JPH2: variants seen among roughly 807,000 people sequenced by gnomAD.
JPH2 encodes junctophilin 2.
In JPH2, 38 loss-of-function variants were observed where a neutral mutation model predicts 55.9. That is an observed-to-expected ratio of 0.68 (90% CI 0.52 to 0.89). The LOEUF (loss-of-function observed/expected upper bound fraction) is 0.89, where lower values mean the gene tolerates loss of function less well. Ranked by LOEUF, JPH2 falls within the 40% of genes least tolerant of loss-of-function variation. The pLI, the probability that JPH2 is intolerant of heterozygous loss-of-function variation, is 0.00. For missense variants in JPH2, 964 were observed against 1,037.6 expected (o/e 0.93, Z 0.97); for synonymous variants, 480 against 472.4 (o/e 1.02, Z -0.21).
chr20:44,160,554 A>G lies in JPH2; in HGVS notation c.380-147T>C. On this transcript the variant is annotated intron_variant, in intron 1 of 5. Coordinates refer to ENST00000372980, the MANE Select transcript of JPH2 (RefSeq NM_020433.5). The surrounding 1 kb of genome is among the most constrained non-coding windows in gnomAD (Gnocchi z 4.9). ...TCTGAGGGTCAGGGTGCACAGTGCT[A>G]TGAGTGTTTGAGTCTACTCGAGTGT... is the stretch of plus-strand genomic sequence containing the variant. The G allele has an allele frequency of 6.2e-6, 5 of 805,434 alleles. 1 individual carries two copies. The highest frequency in any genetic ancestry group is 5.9e-5 in the South Asian group (4 of 67,458). 49.9% of individuals were successfully genotyped at this position (805,434 alleles called of 1,614,324 possible).
chr20:44,136,375 C>T (rs1341773456), intron 2 of JPH2, among the ~76,000 whole-genome samples: 1 of 152,126 alleles, frequency 6.6e-6, no homozygotes, highest in East Asian at 1.9e-4. Flanking sequence ...TGGCCTCACC[C>T]TTTGCCTATT....
chr20:44,115,816 G>A lies in JPH2; in HGVS notation c.1859C>T (p.Ala620Val). 1.2e-6 allele frequency: 2 copies of A among 1,603,940 alleles called. No individual in the cohort carries two copies. The highest frequency in any genetic ancestry group is 1.7e-6 in the Non-Finnish European group (2 of 1,178,670). ...GATGATGGGCTTGGGCTCCAGCTTG[G>A]CGGGGGTCTCGCGTGCAGGCTCGGG... ...RGPEPARETP[A>V]KLEPKPIIPK... The change falls in exon 4 of 6, where the codon GCC (alanine) becomes GTC (valine). Residue 620 changes from alanine to valine, a missense_variant. By Grantham distance (64) the Ala-to-Val change is moderately conservative. Coordinates refer to ENST00000372980, the MANE Select transcript of JPH2 (RefSeq NM_020433.5).
Position 44,110,717 on chromosome 20 carries a change from G to C in JPH2, c.*2801C>G, listed in dbSNP as rs892631086. On this transcript the variant is annotated 3_prime_UTR_variant, in exon 6 of 6. Transcript: ENST00000372980. The stretch of plus-strand genomic sequence containing the variant: ...TAACGTGCTGGAATTATAGGTGTGA[G>C]CCACCATGCCCAGCTTAAAACCTCT... Among the ~76,000 whole-genome samples, 4 of 152,178 alleles carry C rather than the reference G, an allele frequency of 2.6e-5. No homozygotes were observed. The highest frequency in any genetic ancestry group is 9.7e-5 in the African/African-American group (4 of 41,430).
At chr20:44,138,759 CTTTTTT>C (rs199656539) in intron 2 of JPH2, among the ~76,000 whole-genome samples, 1 of 151,698 alleles carries the variant, frequency 6.6e-6, no homozygotes, top group East Asian at 1.9e-4. Flanking sequence ...TCTTCTTTTT[CTTTTTT>C]TTGGCTAACT....
At chr20:44,155,129 T>A (rs2072556476) in intron 2 of JPH2, among the ~76,000 whole-genome samples, 1 of 152,054 alleles carries the variant, frequency 6.6e-6, no homozygotes, top group African/African-American at 2.4e-5. Context: ...TAAAATCAAA[T>A]GTTGTTAGAT....
Position 44,116,238 on chromosome 20 carries a change from C to G in JPH2, c.1437G>C (p.Arg479=). ...SPQLHERETP[R]PEGGSPSPAG... ...CCGGTGACGGGGAGCCACCCTCGGG[C>G]CGAGGGGTCTCACGCTCGTGCAGCT... The change falls in exon 4 of 6, where the codon CGG becomes CGC. Residue 479 remains arginine (R), a synonymous_variant. Transcript: ENST00000372980. The G allele has an allele frequency of 1.4e-6, 2 of 1,459,586 alleles. No individual in the cohort carries two copies. The highest frequency in any genetic ancestry group is 1.8e-6 in the Non-Finnish European group (2 of 1,114,622). 90.4% of individuals were successfully genotyped at this position (1,459,586 alleles called of 1,614,324 possible). A position where few individuals can be genotyped will look rare whatever the true frequency, so the allele number is the denominator to read the frequency against.
At chr20:44,147,944 T>G (rs938843682) in intron 2 of JPH2, among the ~76,000 whole-genome samples, 1 of 151,968 alleles carries the variant, frequency 6.6e-6, no homozygotes, top group African/African-American at 2.4e-5. Flanking sequence ...GGGTGGATCA[T>G]TTGAGGTCAG....
intron 2 of JPH2, among the ~76,000 whole-genome samples, chr20:44,146,405 A>C (rs1001664374): frequency 4.6e-5 from 7 of 151,614 alleles, no homozygotes; most frequent in African/African-American, 1.7e-4. Flanking sequence ...TGCCCAGACC[A>C]CTCAGCCTTC....
intron 1 of JPH2, among the ~76,000 whole-genome samples, chr20:44,174,765 C>G (rs2072721272): frequency 6.6e-6 from 1 of 152,116 alleles, no homozygotes; most frequent in Admixed American, 6.5e-5. Flanking sequence ...CTTTGGGAAG[C>G]TGAGGTGGGT....
chr20:44,134,371 A>C lies in JPH2; in HGVS notation c.1170-15748T>G, dbSNP rs1209728827. Among the ~76,000 whole-genome samples, 6 of 16,768 alleles carry C rather than the reference A, an allele frequency of 3.6e-4. 1 individual carries two copies. The highest frequency in any genetic ancestry group is 1.9e-3 in the African/African-American group (6 of 3,240). 11.0% of individuals were successfully genotyped at this position (16,768 alleles called of 152,430 possible). A position where few individuals can be genotyped will look rare whatever the true frequency, so the allele number is the denominator to read the frequency against. ...TATTATAAATATATATATTTATTAT[A>C]AATATATATAAATAAATATATATTT... On this transcript the variant is annotated intron_variant, in intron 2 of 5. Transcript: ENST00000372980.
In JPH2 at chr20:44,187,031, G is replaced by T; in HGVS notation, c.-326C>A. ...CTTCCAAGAAGTCCAAGGGAAAACG[G>T]TGTGATCTCTTTAAGAAGCCCAGTG... On this transcript the variant is annotated 5_prime_UTR_variant, in exon 1 of 6. Coordinates refer to ENST00000372980, the MANE Select transcript of JPH2 (RefSeq NM_020433.5). 2.4e-6 allele frequency: 1 copy of T among 413,038 alleles called. No individual in the cohort carries two copies. The highest frequency in any genetic ancestry group is 4.4e-6 in the Non-Finnish European group (1 of 226,310). The allele number at this position is 413,038 out of a possible 1,614,324, so 25.6% of individuals were successfully genotyped here. A position where few individuals can be genotyped will look rare whatever the true frequency, so the allele number is the denominator to read the frequency against.
chr20:44,154,746 G>A (rs1315533492), intron 2 of JPH2, among the ~76,000 whole-genome samples: 2 of 152,232 alleles, frequency 1.3e-5, no homozygotes, highest in Non-Finnish European at 2.9e-5. Flanking sequence ...CAGGGATGGG[G>A]AGAGTCCCTG....
chr20:44,163,405 C>T (rs1017008096), intron 1 of JPH2, among the ~76,000 whole-genome samples: 8 of 152,234 alleles, frequency 5.3e-5, no homozygotes, highest in African/African-American at 1.4e-4. Flanking sequence ...ACTTTGGAGG[C>T]GAAGGAGGGC....
chr20:44,180,996 G>A (rs538884161), intron 1 of JPH2, among the ~76,000 whole-genome samples: 11 of 152,138 alleles, frequency 7.2e-5, no homozygotes, highest in Non-Finnish European at 1.2e-4. Flanking sequence ...TAAGTCAGCA[G>A]CTGTTTTTAG....
At chr20:44,153,004 AC>A (rs1214726812) in intron 2 of JPH2, among the ~76,000 whole-genome samples, 15 of 152,226 alleles carry the variant, frequency 9.9e-5, no homozygotes, top group Non-Finnish European at 2.2e-4. Flanking sequence ...AAATGTACTT[AC>A]GTATTTTTAA....
At chr20:44,179,612 G>C (rs2072764164) in intron 1 of JPH2, among the ~76,000 whole-genome samples, 4 of 152,186 alleles carry the variant, frequency 2.6e-5, no homozygotes, top group Middle Eastern at 3.4e-3. Context: ...CCTGCGTCTG[G>C]GTTAATGCTC....
At chr20:44,139,155 C>A (rs1238050886) in intron 2 of JPH2, among the ~76,000 whole-genome samples, 1 of 152,176 alleles carries the variant, frequency 6.6e-6, no homozygotes, top group African/African-American at 2.4e-5. Context: ...TTTTTCCCCC[C>A]AAGGACAAGG....
intron 2 of JPH2, among the ~76,000 whole-genome samples, chr20:44,144,166 A>G (rs1302489080): frequency 6.6e-6 from 1 of 152,188 alleles, no homozygotes; most frequent in African/African-American, 2.4e-5. Flanking sequence ...TCCACTCCCA[A>G]TGGCAGGGAC....
At chr20:44,134,696 T>A (rs2072388228) in intron 2 of JPH2, among the ~76,000 whole-genome samples, 1 of 49,420 alleles carries the variant, frequency 2.0e-5, no homozygotes, top group South Asian at 5.0e-4. Flanking sequence ...TATAAATATA[T>A]ATACATTAAT....
Sources: allele counts gnomAD v4.1 joint callset (sites outside exome capture counted in the v4.1 genomes callset), GRCh38; gene constraint gnomAD v4.1.1; non-coding constraint Gnocchi (gnomAD v3.1); transcripts MANE v1.5; gene names NCBI Gene and HGNC (gene_info 2026-07-23, HGNC 2026-07-21).